LRGUK: variants seen among roughly 807,000 people sequenced by gnomAD.
LRGUK encodes the protein leucine rich repeats and guanylate kinase domain containing.
A neutral mutation model predicts 76.0 loss-of-function variants in LRGUK; 65 were observed. The observed-to-expected ratio is 0.85, with a 90% CI of 0.70 to 1.05. The LOEUF (loss-of-function observed/expected upper bound fraction) is 1.05. LRGUK is among the 50% of genes least tolerant of loss of function. LRGUK has a pLI of 0.00. For synonymous variants in LRGUK, 268 were observed against 265.6 expected, an observed-to-expected ratio of 1.01 and a Z score of -0.09; for missense variants, 758 against 732.8, an observed-to-expected ratio of 1.03 and a Z score of -0.40.
At chr7:134,245,803 CA>C (rs1020032290) in intron 16 of LRGUK, among the ~76,000 whole-genome samples, 2 of 151,894 alleles carry the variant, frequency 1.3e-5, no homozygotes, top group Non-Finnish European at 2.9e-5. Flanking sequence ...ACAACAAACA[CA>C]AAAAATAAAG....
chr7:134,235,968 A>G lies in LRGUK; in HGVS notation c.1984-11588A>G, dbSNP rs370794281. On this transcript the variant is annotated intron_variant, in intron 16 of 19. Transcript: ENST00000285928. The stretch of plus-strand genomic sequence containing the variant: ...CAATGCTAGAACAAATGTTATCCGC[A>G]TAAGATATCACATTTTTAGTAAGAT... 1.1e-4 allele frequency among the ~76,000 whole-genome samples: 16 copies of G among 152,346 alleles called. No individual in the cohort carries two copies. In the East Asian group the frequency reaches 2.5e-3, roughly 24 times the overall value.
intron 16 of LRGUK, among the ~76,000 whole-genome samples, chr7:134,228,452 G>A (rs1801815245): frequency 6.6e-6 from 1 of 152,072 alleles, no homozygotes; most frequent in Non-Finnish European, 1.5e-5. Context: ...CTGAATACAT[G>A]AGTAAATCTA....
chr7:134,173,472 A>T (rs1227289224), intron 7 of LRGUK, among the ~76,000 whole-genome samples: 2 of 152,256 alleles, frequency 1.3e-5, no homozygotes, highest in Non-Finnish European at 2.9e-5. Flanking sequence ...AAAGTGTAAT[A>T]TCTACACTTG....
intron 3 of LRGUK, among the ~76,000 whole-genome samples, chr7:134,142,269 G>A (rs1345853667): frequency 6.6e-6 from 1 of 152,128 alleles, no homozygotes; most frequent in Non-Finnish European, 1.5e-5. Flanking sequence ...GTAGAGACAG[G>A]GCCATAACCC....
chr7:134,139,315 C>T, intron 2 of LRGUK, 121 bp from the exon 3 acceptor site: 1 of 638,500 alleles, frequency 1.6e-6, no homozygotes, highest in Admixed American at 3.6e-5. Flanking sequence ...ATTTTGTTCT[C>T]TCTCTTCTTC....
At position 134,196,981 on chromosome 7, in the gene LRGUK, T is replaced by C. The variant is rs1800511389; in HGVS notation, c.1432-11T>C. On this transcript the variant is annotated splice_polypyrimidine_tract_variant and intron_variant, in intron 12 of 15. Coordinates refer to ENST00000645682, the Ensembl canonical transcript of LRGUK. Reference sequence around the variant, plus strand: ...TGTTATATGAAAATCTTTGTTCTTCTCGAATTCCAGGGGAAATTCATTCTA... The same window carrying C: ...TGTTATATGAAAATCTTTGTTCTTCCCGAATTCCAGGGGAAATTCATTCTA... The C allele has an allele frequency of 2.1e-6, 3 of 1,448,650 alleles. No individual in the cohort carries two copies. The highest frequency in any genetic ancestry group is 4.6e-5 in the East Asian group (2 of 43,900). 89.7% of individuals were successfully genotyped at this position (1,448,650 alleles called of 1,614,324 possible).
At chr7:134,158,936 T>C (rs866764863) in intron 6 of LRGUK, among the ~76,000 whole-genome samples, 1 of 152,188 alleles carries the variant, frequency 6.6e-6, no homozygotes, top group Non-Finnish European at 1.5e-5. Flanking sequence ...CTGTTCTTCA[T>C]TACATCTATC....
In LRGUK at chr7:134,242,827, C is replaced by G. The variant is rs142568385; in HGVS notation, c.1984-4729C>G. 8.1e-3 allele frequency among the ~76,000 whole-genome samples: 1,235 copies of G among 152,262 alleles called. 16 individuals carry two copies. The highest frequency in any genetic ancestry group is 0.028 in the African/African-American group (1,184 of 41,544). ...CAGTAAAATACTGGCAAACCAAATT[C>G]AGCAGCACCTCATAAAGCTTATCCA... On this transcript the variant is annotated intron_variant, in intron 16 of 19. Transcript: ENST00000285928.
intron 16 of LRGUK, among the ~76,000 whole-genome samples, chr7:134,236,046 T>G (rs1040835690): frequency 6.6e-6 from 1 of 152,216 alleles, no homozygotes; most frequent in Non-Finnish European, 1.5e-5. Context: ...AGTCCCAATC[T>G]TCTACCTCAT....
intron 2 of LRGUK, among the ~76,000 whole-genome samples, chr7:134,137,987 C>T (rs558167915): frequency 6.6e-6 from 1 of 152,144 alleles, no homozygotes; most frequent in Non-Finnish European, 1.5e-5. Flanking sequence ...CTTTTTTCAC[C>T]TTTGCTAGTT....
intron 7 of LRGUK, among the ~76,000 whole-genome samples, chr7:134,163,953 G>T (rs988904053): frequency 6.6e-6 from 1 of 152,106 alleles, no homozygotes; most frequent in Non-Finnish European, 1.5e-5. Context: ...GGGCCATGAT[G>T]GGGGGAGTGT....
chr7:134,214,046 C>T (rs552164222), downstream of LRGUK, among the ~76,000 whole-genome samples: 136 of 152,290 alleles, frequency 8.9e-4, no homozygotes, highest in Admixed American at 3.4e-3. Flanking sequence ...AATATTGCCA[C>T]TTGGCATGAA....
intron 1 of LRGUK, among the ~76,000 whole-genome samples, chr7:134,134,635 C>A (rs1160275606): frequency 6.6e-6 from 1 of 152,142 alleles, no homozygotes; most frequent in Non-Finnish European, 1.5e-5. Flanking sequence ...AGTGAGGATG[C>A]AGTGTCTTCA....
intron 1 of LRGUK, among the ~76,000 whole-genome samples, chr7:134,130,124 A>G (rs1018030878): frequency 5.3e-5 from 8 of 151,868 alleles, no homozygotes; most frequent in Non-Finnish European, 8.8e-5. Context: ...GCTAGTTCCC[A>G]TTAGTTTTGC....
chr7:134,238,000 A>G (rs1802053662), intron 16 of LRGUK, among the ~76,000 whole-genome samples: 1 of 152,204 alleles, frequency 6.6e-6, no homozygotes, highest in African/African-American at 2.4e-5. Context: ...TAATACCACC[A>G]GCACCCATAA....
At chr7:134,159,618 G>A (rs1242314034) in intron 6 of LRGUK, among the ~76,000 whole-genome samples, 1 of 152,060 alleles carries the variant, frequency 6.6e-6, no homozygotes, top group Non-Finnish European at 1.5e-5. Flanking sequence ...GTGAAACTCC[G>A]TCTCTACTAA....
intron 15 of LRGUK, 99 bp from the exon 16 acceptor site, chr7:134,221,680 C>G (rs1423831937): frequency 1.2e-6 from 1 of 866,392 alleles, no homozygotes; most frequent in African/African-American, 1.8e-5. Flanking sequence ...AAGTATCCAG[C>G]TTGTTATGTT....
exon 20 of LRGUK, chr7:134,264,568 G>A (rs1802822153): frequency 6.6e-6 from 1 of 152,194 alleles, no homozygotes; most frequent in Admixed American, 6.5e-5. Context: ...CAACACGAAA[G>A]AATAAAGAGC....
At chr7:134,221,882 A>C (rs769259093) in exon 16 of LRGUK, 9 of 1,595,966 alleles carry the variant, frequency 5.6e-6, no homozygotes, top group Middle Eastern at 1.7e-4. Flanking sequence ...ACCTCATTAA[A>C]TTTTGGGCCA....
Sources: gnomAD v4.1 joint callset for allele counts (sites outside exome capture counted in the v4.1 genomes callset) on GRCh38, gnomAD v4.1.1 for gene constraint, MANE v1.5 for transcripts, NCBI Gene and HGNC (gene_info 2026-07-23, HGNC 2026-07-21) for gene names.